The following EBF4 variants were observed in gnomAD, a reference collection of about 807,000 sequenced individuals.
The protein encoded by EBF4 is transcription factor COE4.
In EBF4, 34 loss-of-function variants were observed where a neutral mutation model predicts 67.1. The ratio of observed to expected loss-of-function variants is 0.51; its 90% confidence interval spans 0.39 to 0.67. The LOEUF is 0.67. Ranked by LOEUF, EBF4 falls within the 30% of genes least tolerant of loss-of-function variation. The pLI, the probability that EBF4 is intolerant of heterozygous loss-of-function variation, is 0.00. For missense variants in EBF4, 837 were observed against 873.3 expected, an observed-to-expected ratio of 0.96 and a Z score of 0.52; for synonymous variants, 387 against 377.7, an observed-to-expected ratio of 1.02 and a Z score of -0.29.
At chr20:2,734,459 T>A (rs1387184908) in intron 6 of EBF4, among the ~76,000 whole-genome samples, 1 of 152,232 alleles carries the variant, frequency 6.6e-6, no homozygotes, top group African/African-American at 2.4e-5. Flanking sequence ...ACCTCTGGGC[T>A]TCCTCAGGGA....
chr20:2,753,895 C>A (rs983796402), intron 14 of EBF4, among the ~76,000 whole-genome samples: 11 of 152,198 alleles, frequency 7.2e-5, no homozygotes, highest in Non-Finnish European at 1.5e-4. Context: ...TTTGCTCAGG[C>A]CAGGATTGAC....
intron 6 of EBF4, among the ~76,000 whole-genome samples, chr20:2,717,692 A>G (rs552746065): frequency 6.6e-6 from 1 of 152,178 alleles, no homozygotes; most frequent in South Asian, 2.1e-4. Flanking sequence ...CATCTTATAC[A>G]AACAAATACT....
At chr20:2,722,176 C>T (rs2087689946) in intron 6 of EBF4, among the ~76,000 whole-genome samples, 1 of 152,150 alleles carries the variant, frequency 6.6e-6, no homozygotes, top group South Asian at 2.1e-4. Flanking sequence ...ACCAGGACTA[C>T]AGGTATGTGC....
At position 2,739,557 on chromosome 20, in the gene EBF4, C is replaced by T. The variant is rs778209625; in HGVS notation, c.558-8992C>T. Among the ~76,000 whole-genome samples, 3 of 152,234 alleles carry T rather than the reference C, an allele frequency of 2.0e-5. No individual in the cohort carries two copies. The highest frequency in any genetic ancestry group is 1.9e-4 in the East Asian group (1 of 5,178). On this transcript the variant is annotated intron_variant, in intron 6 of 16. Coordinates refer to ENST00000609451, the Ensembl canonical transcript of EBF4. This position sits in a 1 kb window ranked among gnomAD's most constrained non-coding sequence, Gnocchi z 4.5. ...ATTTCCTTAAGATTTTATACAATGC[C>T]GCAGTGCCTAACACATAGAAGGTAT...
At chr20:2,741,242 G>T (rs2087963673) in intron 6 of EBF4, among the ~76,000 whole-genome samples, 1 of 152,020 alleles carries the variant, frequency 6.6e-6, no homozygotes, top group African/African-American at 2.4e-5. Flanking sequence ...AGCCTGGGAG[G>T]TCAAGGCTGC....
At chr20:2,728,746 C>G (rs1382759418) in intron 6 of EBF4, among the ~76,000 whole-genome samples, 3 of 152,044 alleles carry the variant, frequency 2.0e-5, no homozygotes, top group African/African-American at 7.3e-5. Flanking sequence ...ACAAGAATAC[C>G]TGTGGGTCCA....
chr20:2,697,268 G>T (rs569633605), intron 1 of EBF4, among the ~76,000 whole-genome samples: 1 of 152,192 alleles, frequency 6.6e-6, no homozygotes, highest in Non-Finnish European at 1.5e-5. Flanking sequence ...AGGGAGGGCC[G>T]GGTGCGATGG....
intron 6 of EBF4, among the ~76,000 whole-genome samples, chr20:2,730,320 C>T (rs892462188): frequency 3.3e-5 from 5 of 152,234 alleles, no homozygotes; most frequent in East Asian, 3.9e-4. Context: ...GTCCCTGTGG[C>T]GGCATCACTC....
intron 6 of EBF4, among the ~76,000 whole-genome samples, chr20:2,737,672 G>A (rs193109977): frequency 6.6e-6 from 1 of 151,972 alleles, no homozygotes; most frequent in East Asian, 1.9e-4. Flanking sequence ...GAGCCTGGAC[G>A]GCAGCAAGAA....
At chr20:2,753,183 C>G (rs2088184822) in intron 14 of EBF4, among the ~76,000 whole-genome samples, 1 of 152,232 alleles carries the variant, frequency 6.6e-6, no homozygotes, top group Non-Finnish European at 1.5e-5. Context: ...CAATTCCACC[C>G]CCTGCTTAAG....
chr20:2,718,148 C>A (rs2087635288), intron 6 of EBF4, among the ~76,000 whole-genome samples: 1 of 152,140 alleles, frequency 6.6e-6, no homozygotes, highest in Admixed American at 6.6e-5. Context: ...CAGATAAACC[C>A]CACTTAATAA....
chr20:2,705,544 T>TC lies in EBF4; in HGVS notation c.138-31dup, dbSNP rs1198473201. ...TGGAGTCTTTCTCACTGGGGGGCCT[T>TC]CCAGTGGTTTTCCAGCTCTTTTCCT... On this transcript the variant is annotated intron_variant, in intron 1 of 16. Coordinates refer to ENST00000609451, the Ensembl canonical transcript of EBF4. 1.3e-5 allele frequency: 20 copies of TC among 1,551,464 alleles called. No individual in the cohort carries two copies. The East Asian group carries it at 4.9e-4, about 38-fold the overall frequency.
intron 1 of EBF4, among the ~76,000 whole-genome samples, chr20:2,702,952 A>C (rs1200172188): frequency 6.6e-6 from 1 of 152,094 alleles, no homozygotes; most frequent in Non-Finnish European, 1.5e-5. Context: ...CATGACCCTC[A>C]ACAAAAGTGC....
intron 14 of EBF4, among the ~76,000 whole-genome samples, chr20:2,754,802 G>A (rs1348983149): frequency 1.3e-5 from 2 of 152,212 alleles, no homozygotes; most frequent in Non-Finnish European, 2.9e-5. Context: ...GAGGCTGCAG[G>A]AAGAGGGGGC....
rs1173688415 is a variant in EBF4 at position 2,758,985 on chromosome 20, G to A, written c.*5+1G>A. On this transcript the variant is annotated splice_donor_variant, in intron 16 of 16. Transcript: ENST00000609451. LOFTEE classifies it low-confidence loss of function (3UTR_SPLICE). ...AGGGCCTGGCATACTCCTAATTACG[G>A]TAGGTCTCTGGCTGGGTCTGGCCTC... 1.3e-6 allele frequency: 2 copies of A among 1,551,552 alleles called. No individual in the cohort carries two copies. Among genetic ancestry groups the A allele is most frequent in the Non-Finnish European group, 1.7e-6 (2 of 1,146,966 alleles).
At chr20:2,742,613 T>C (rs766029963) in intron 6 of EBF4, among the ~76,000 whole-genome samples, 28 of 152,184 alleles carry the variant, frequency 1.8e-4, no homozygotes, top group Non-Finnish European at 3.4e-4. Flanking sequence ...CACTGGGCAC[T>C]GGTCCTGCAG....
chr20:2,706,128 T>C, intron 3 of EBF4, 81 bp from the exon 4 acceptor site: 1 of 1,549,236 alleles, frequency 6.5e-7, no homozygotes, highest in South Asian at 1.2e-5. Flanking sequence ...GTGCCAGGGC[T>C]GGGGAGGGTG....
At chr20:2,730,711 G>A (rs2087802203) in intron 6 of EBF4, among the ~76,000 whole-genome samples, 1 of 152,138 alleles carries the variant, frequency 6.6e-6, no homozygotes, top group South Asian at 2.1e-4. Context: ...TTCCCTTTAG[G>A]CATGCGAAGC....
At chr20:2,701,367 C>T (rs944685637) in intron 1 of EBF4, among the ~76,000 whole-genome samples, 8 of 152,342 alleles carry the variant, frequency 5.3e-5, no homozygotes, top group African/African-American at 1.9e-4. Context: ...CTGCTGTCTT[C>T]CCCCCTCCCA....
Sources: allele counts gnomAD v4.1 joint callset (sites outside exome capture counted in the v4.1 genomes callset), GRCh38; gene constraint gnomAD v4.1.1; non-coding constraint Gnocchi (gnomAD v3.1); transcripts MANE v1.5; gene names NCBI Gene and HGNC (gene_info 2026-07-23, HGNC 2026-07-21).